The following MACROD2 variants were observed in gnomAD, a reference collection of about 807,000 sequenced individuals.
MACROD2 encodes mono-ADP ribosylhydrolase 2.
In MACROD2, 36 loss-of-function variants were observed where a neutral mutation model predicts 70.4. That is an observed-to-expected ratio of 0.51 (90% CI 0.39 to 0.68). The LOEUF is 0.68. Among genes scored for constraint, MACROD2 ranks in the 30% least tolerant of loss-of-function variants. The probability of loss-of-function intolerance (pLI) is 0.00; values close to 1 mark genes in which losing one functional copy is unlikely to be tolerated. For missense variants in MACROD2, 496 were observed against 538.4 expected, an observed-to-expected ratio of 0.92 and a Z score of 0.78; for synonymous variants, 172 against 178.8, an observed-to-expected ratio of 0.96 and a Z score of 0.30.
chr20:14,574,967 C>T (rs1257587841), intron 4 of MACROD2, among the ~76,000 whole-genome samples: 2 of 142,548 alleles, frequency 1.4e-5, no homozygotes, highest in Non-Finnish European at 3.0e-5. Flanking sequence ...GCCGAGATTG[C>T]GCCACTGCAG....
At chr20:15,049,939 C>T (rs1382290317) in intron 5 of MACROD2, among the ~76,000 whole-genome samples, 3 of 149,072 alleles carry the variant, frequency 2.0e-5, no homozygotes, top group African/African-American at 7.5e-5. Context: ...CAGAGTGAGA[C>T]TCTGTCTCAG....
intron 5 of MACROD2, among the ~76,000 whole-genome samples, chr20:14,690,794 T>C (rs761550454): frequency 6.6e-6 from 1 of 152,218 alleles, no homozygotes; most frequent in South Asian, 2.1e-4. Flanking sequence ...GCTGCTTTCA[T>C]GTGGCAGAGT....
chr20:14,832,830 G>A (rs936888289), intron 5 of MACROD2, among the ~76,000 whole-genome samples: 8 of 152,136 alleles, frequency 5.3e-5, no homozygotes, highest in Non-Finnish European at 1.0e-4. Context: ...GTGAGGTAGA[G>A]AGTGAGCTAA....
chr20:15,014,494 TTGGAGATGCTTTTAA>T lies in MACROD2; in HGVS notation c.419-215444_419-215430del, dbSNP rs536529111. On this transcript the variant is annotated intron_variant, in intron 5 of 17. Transcript: ENST00000684519. ...AAACAAACATCACGTGCACTATACG[TTGGAGATGCTTTTAA>T]TAACTTGGAGTCAGAGTAAATGATC... Among the ~76,000 whole-genome samples the T allele has an allele frequency of 5.5e-4, 83 of 152,276 alleles. 1 individual carries two copies. In the South Asian group the frequency reaches 7.3e-3, roughly 13 times the overall value.
chr20:15,747,898 A>G (rs773312193), intron 8 of MACROD2, among the ~76,000 whole-genome samples: 1 of 152,174 alleles, frequency 6.6e-6, no homozygotes, highest in South Asian at 2.1e-4. Context: ...CTTTGAGTAG[A>G]TAATACAATT....
intron 8 of MACROD2, among the ~76,000 whole-genome samples, chr20:15,776,629 C>G (rs2051726384): frequency 6.6e-6 from 1 of 152,152 alleles, no homozygotes; most frequent in Non-Finnish European, 1.5e-5. Context: ...CATTGATACT[C>G]TTAGTACACA....
intron 8 of MACROD2, chr20:15,552,109 CAT>C (rs1403316653): frequency 1.3e-5 from 2 of 152,052 alleles, no homozygotes; most frequent in African/African-American, 2.4e-5. Flanking sequence ...AGTAGGAACA[CAT>C]GTTTTCCTCC....
intron 3 of MACROD2, among the ~76,000 whole-genome samples, chr20:14,100,627 T>A (rs905278571): frequency 1.7e-4 from 24 of 142,750 alleles, no homozygotes; most frequent in Admixed American, 2.9e-4. Flanking sequence ...TATATAAAAA[T>A]ATATATTTTT....
chr20:15,045,719 G>GTTTTT (rs71335981), intron 5 of MACROD2, among the ~76,000 whole-genome samples: 8 of 73,390 alleles, frequency 1.1e-4, no homozygotes, highest in East Asian at 4.5e-4. Context: ...CCAGACCAGG[G>GTTTTT]TTTTTTTTTT....
intron 3 of MACROD2, among the ~76,000 whole-genome samples, chr20:14,166,065 TAATA>T (rs1310635088): frequency 1.3e-5 from 2 of 152,194 alleles, no homozygotes; most frequent in African/African-American, 2.4e-5. Context: ...TTTTGCTTAT[TAATA>T]AATAATGTAT....
intron 2 of MACROD2, among the ~76,000 whole-genome samples, chr20:14,021,275 C>T (rs187799389): frequency 8.5e-5 from 13 of 152,172 alleles, no homozygotes; most frequent in Non-Finnish European, 1.5e-4. Flanking sequence ...AGGCGTGAGC[C>T]ACCACGCCCA....
chr20:15,530,605 G>A (rs542121019), intron 8 of MACROD2, among the ~76,000 whole-genome samples: 18 of 151,144 alleles, frequency 1.2e-4, no homozygotes, highest in Middle Eastern at 3.4e-3. Context: ...AGTGGCAGGC[G>A]CCTGTAGTCC....
At chr20:15,614,061 C>A (rs573248096) in intron 8 of MACROD2, among the ~76,000 whole-genome samples, 3 of 152,332 alleles carry the variant, frequency 2.0e-5, no homozygotes, top group South Asian at 4.1e-4. Flanking sequence ...TAACTTGCTG[C>A]TTTTCAGTTG....
intron 3 of MACROD2, among the ~76,000 whole-genome samples, chr20:14,168,513 C>A (rs1007939789): frequency 6.6e-6 from 1 of 152,078 alleles, no homozygotes; most frequent in African/African-American, 2.4e-5. Context: ...TTATTAGCAC[C>A]TTGCATTATT....
intron 12 of MACROD2, among the ~76,000 whole-genome samples, chr20:15,956,323 G>T (rs1272815324): frequency 6.6e-6 from 1 of 152,192 alleles, no homozygotes; most frequent in Non-Finnish European, 1.5e-5. Context: ...TCTTATGAAT[G>T]CATGCCAACC....
chr20:15,397,028 C>T (rs948972144), intron 6 of MACROD2, among the ~76,000 whole-genome samples: 2 of 152,154 alleles, frequency 1.3e-5, no homozygotes, highest in African/African-American at 4.8e-5. Context: ...TCTAACAAAA[C>T]GTAGTTAAGG....
chr20:15,920,562 C>G (rs2065388721), intron 10 of MACROD2, among the ~76,000 whole-genome samples: 1 of 152,162 alleles, frequency 6.6e-6, no homozygotes, highest in Admixed American at 6.5e-5. Flanking sequence ...TAAAAGACCT[C>G]TGTTGCATTT....
chr20:15,451,409 G>T (rs968937940), intron 7 of MACROD2, among the ~76,000 whole-genome samples: 26 of 133,288 alleles, frequency 2.0e-4, no homozygotes, highest in Non-Finnish European at 3.7e-4. Context: ...CTCCTGAAGG[G>T]TGGTAAATAA....
chr20:14,048,953 A>G (rs1184112493), intron 2 of MACROD2, among the ~76,000 whole-genome samples: 1 of 152,160 alleles, frequency 6.6e-6, no homozygotes, highest in East Asian at 1.9e-4. Flanking sequence ...GTGGGAGTGG[A>G]GCAAGGAGGG....
Sources: gnomAD v4.1 joint callset for allele counts (sites outside exome capture counted in the v4.1 genomes callset) on GRCh38, gnomAD v4.1.1 for gene constraint, MANE v1.5 for transcripts, NCBI Gene and HGNC (gene_info 2026-07-23, HGNC 2026-07-21) for gene names.